TLK1: variants seen among roughly 807,000 people sequenced by gnomAD.
The protein encoded by TLK1 is tousled like kinase 1.
A neutral mutation model predicts 105.3 loss-of-function variants in TLK1; 24 were observed. The observed-to-expected ratio is 0.23, with a 90% confidence interval of 0.17 to 0.32. The LOEUF is 0.32. Among genes scored for constraint, TLK1 ranks in the 10% least tolerant of loss-of-function variants. The probability of loss-of-function intolerance (pLI) is 1.00; values close to 1 mark genes in which losing one functional copy is unlikely to be tolerated. For synonymous variants in TLK1, 321 were observed against 310.4 expected (o/e 1.03, Z -0.36); for missense variants, 558 against 910.5 (o/e 0.61, Z 4.98).
chr2:171,063,780 C>A (rs1444729566), intron 3 of TLK1, among the ~76,000 whole-genome samples: 3 of 152,142 alleles, frequency 2.0e-5, no homozygotes, highest in Non-Finnish European at 4.4e-5. Context: ...AATTAGATTT[C>A]TTTACTGCAA....
At chr2:171,055,989 T>C (rs953329866) in intron 6 of TLK1, among the ~76,000 whole-genome samples, 2 of 152,058 alleles carry the variant, frequency 1.3e-5, no homozygotes, top group African/African-American at 4.8e-5. Context: ...ATATCTAAAA[T>C]GTTATGAAAA....
chr2:171,209,721 A>G (rs1317292799), intron 1 of TLK1, among the ~76,000 whole-genome samples: 1 of 152,192 alleles, frequency 6.6e-6, no homozygotes, highest in Non-Finnish European at 1.5e-5. Flanking sequence ...CCTTATAAGA[A>G]GAGGAAATTT....
intron 1 of TLK1, among the ~76,000 whole-genome samples, chr2:171,184,712 C>T (rs1016968209): frequency 6.6e-6 from 1 of 151,646 alleles, no homozygotes. Flanking sequence ...AAATTCCATT[C>T]ATTTCCTACT....
At chr2:171,145,602 A>AC (rs1691762503) in intron 1 of TLK1, among the ~76,000 whole-genome samples, 1 of 151,798 alleles carries the variant, frequency 6.6e-6, no homozygotes, top group African/African-American at 2.4e-5. Flanking sequence ...AAAAAAAAAA[A>AC]CAAAAAACAA....
intron 1 of TLK1, among the ~76,000 whole-genome samples, chr2:171,216,758 G>A (rs1469098545): frequency 6.6e-6 from 1 of 152,096 alleles, no homozygotes; most frequent in African/African-American, 2.4e-5. Flanking sequence ...GTTCTTAAAA[G>A]ACAGCCATGT....
chr2:171,078,275 C>A (rs1198178809), intron 3 of TLK1, among the ~76,000 whole-genome samples: 1 of 152,180 alleles, frequency 6.6e-6, no homozygotes, highest in Non-Finnish European at 1.5e-5. Context: ...CTTGGTGGCT[C>A]ACACCTGTAA....
At chr2:171,002,759 CTGTGTAGCTGGGATTACAGG>C (rs1684443753) in intron 18 of TLK1, among the ~76,000 whole-genome samples, 1 of 152,072 alleles carries the variant, frequency 6.6e-6, no homozygotes, top group Non-Finnish European at 1.5e-5. Flanking sequence ...TCTCAGCCTC[CTGTGTAGCTGGGATTACAGG>C]TGTGTGCCAC....
chr2:171,009,432 T>C (rs996229577), intron 14 of TLK1, among the ~76,000 whole-genome samples: 14 of 150,696 alleles, frequency 9.3e-5, no homozygotes, highest in Middle Eastern at 3.4e-3. Flanking sequence ...AGCCTCCGAG[T>C]AGCTGGAACT....
intron 2 of TLK1, among the ~76,000 whole-genome samples, chr2:171,104,030 T>C (rs1321978971): frequency 6.6e-6 from 1 of 152,216 alleles, no homozygotes; most frequent in Non-Finnish European, 1.5e-5. Flanking sequence ...GGCTCACGCC[T>C]GTAATCCCAA....
intron 20 of TLK1, among the ~76,000 whole-genome samples, chr2:170,994,394 G>A (rs911105246): frequency 6.6e-6 from 1 of 151,826 alleles, no homozygotes; most frequent in Non-Finnish European, 1.5e-5. Context: ...ATCACTGAAG[G>A]GACACTTTCA....
chr2:171,023,678 CTCA>C (rs1456895747), intron 12 of TLK1, among the ~76,000 whole-genome samples: 1 of 152,106 alleles, frequency 6.6e-6, no homozygotes, highest in African/African-American at 2.4e-5. Context: ...TTCTCATTTA[CTCA>C]TCAGTTTGGG....
chr2:171,142,842 G>C (rs779678473), intron 1 of TLK1, among the ~76,000 whole-genome samples: 4 of 152,180 alleles, frequency 2.6e-5, no homozygotes, highest in Non-Finnish European at 5.9e-5. Flanking sequence ...ACCATATGTT[G>C]AACCATAAAG....
chr2:171,151,959 C>T (rs1242402022), intron 1 of TLK1, among the ~76,000 whole-genome samples: 1 of 152,076 alleles, frequency 6.6e-6, no homozygotes, highest in Non-Finnish European at 1.5e-5. Flanking sequence ...AAAAGTAAAA[C>T]ATGTCTCTGG....
intron 1 of TLK1, among the ~76,000 whole-genome samples, chr2:171,218,630 G>A (rs1220334027): frequency 6.6e-6 from 1 of 152,154 alleles, no homozygotes; most frequent in Admixed American, 6.5e-5. Flanking sequence ...TTGATGTCTG[G>A]CAAGGGCTGC....
chr2:171,195,464 C>T (rs974019378), intron 1 of TLK1, among the ~76,000 whole-genome samples: 17 of 137,454 alleles, frequency 1.2e-4, no homozygotes, highest in African/African-American at 4.0e-4. Flanking sequence ...GATGGCGCCA[C>T]TGCACTCCAG....
rs1408444121 is a variant in TLK1 at position 171,182,937 on chromosome 2, AAGAAAGAAAG to A, written c.-6+48198_-6+48207del. On this transcript the variant is annotated intron_variant, in intron 1 of 20. Coordinates refer to the TLK1 transcript ENST00000521943. Reference sequence around the variant, plus strand: ...ACCCTGACTCCAAAAAAAAAAAAAAAAGAAAGAAAGAAAGAAAGAAAGAAAGAAAGAACAT... The same window carrying A: ...ACCCTGACTCCAAAAAAAAAAAAAAAAAAGAAAGAAAGAAAGAAAGAACAT... 2.8e-5 allele frequency among the ~76,000 whole-genome samples: 4 copies of A among 143,768 alleles called. No individual in the cohort carries two copies. In the East Asian group the frequency reaches 8.8e-4, roughly 32 times the overall value. 94.3% of individuals were successfully genotyped at this position (143,768 alleles called of 152,430 possible).
intron 1 of TLK1, among the ~76,000 whole-genome samples, chr2:171,148,946 T>C (rs1454349623): frequency 1.3e-5 from 2 of 148,840 alleles, no homozygotes; most frequent in African/African-American, 4.9e-5. Context: ...TGTGTGTGTA[T>C]GTGCGATATA....
intron 2 of TLK1, among the ~76,000 whole-genome samples, chr2:171,090,830 GAAC>G (rs1378199596): frequency 6.6e-6 from 1 of 152,062 alleles, no homozygotes; most frequent in Non-Finnish European, 1.5e-5. Flanking sequence ...TTAGTAAAAA[GAAC>G]AATATTTAAA....
intron 1 of TLK1, among the ~76,000 whole-genome samples, chr2:171,202,225 G>A (rs558589952): frequency 6.6e-6 from 1 of 152,322 alleles, no homozygotes; most frequent in South Asian, 2.1e-4. Flanking sequence ...GGAGGCCGAG[G>A]AGGGCGGATC....
Sources: gnomAD v4.1 joint callset for allele counts (sites outside exome capture counted in the v4.1 genomes callset) on GRCh38, gnomAD v4.1.1 for gene constraint, MANE v1.5 for transcripts, NCBI Gene and HGNC (gene_info 2026-07-23, HGNC 2026-07-21) for gene names.